Variants in MBTD1 observed in about 807,000 individuals in gnomAD.
MBTD1 encodes mbt domain containing 1, also known as MBT domain-containing protein 1.
A neutral mutation model predicts 87.8 loss-of-function variants in MBTD1; 24 were observed. The ratio of observed to expected loss-of-function variants is 0.27; its 90% CI spans 0.20 to 0.38. MBTD1 has a LOEUF of 0.38. Ranked by LOEUF, MBTD1 falls within the 10% of genes least tolerant of loss-of-function variation. The pLI, the probability that MBTD1 is intolerant of heterozygous loss-of-function variation, is 1.00. For missense variants in MBTD1, 436 were observed against 760.2 expected (o/e 0.57, Z 5.02); for synonymous variants, 237 against 248.6 (o/e 0.95, Z 0.44).
chr17:51,249,303 C>T (rs1355473161), intron 2 of MBTD1, among the ~76,000 whole-genome samples: 2 of 152,100 alleles, frequency 1.3e-5, no homozygotes, highest in Non-Finnish European at 2.9e-5. Context: ...TGAAGATTCA[C>T]ATTATATTAT....
At chr17:51,211,858 G>A (rs2052241815) in intron 6 of MBTD1, among the ~76,000 whole-genome samples, 1 of 151,734 alleles carries the variant, frequency 6.6e-6, no homozygotes, top group Admixed American at 6.6e-5. Flanking sequence ...TAGATAATGA[G>A]TTTTACTGTA....
At chr17:51,232,091 T>A (rs1003308650) in intron 2 of MBTD1, among the ~76,000 whole-genome samples, 9 of 151,852 alleles carry the variant, frequency 5.9e-5, no homozygotes, top group African/African-American at 2.2e-4. Context: ...GCATTTCAGG[T>A]CCACGCTCTC....
chr17:51,204,904 G>T (rs76930540), intron 7 of MBTD1, among the ~76,000 whole-genome samples: 1 of 152,096 alleles, frequency 6.6e-6, no homozygotes, highest in Non-Finnish European at 1.5e-5. Context: ...TTTTTCTGTC[G>T]TATGTATTTG....
At chr17:51,216,820 G>C (rs2052597330) in intron 6 of MBTD1, among the ~76,000 whole-genome samples, 1 of 152,136 alleles carries the variant, frequency 6.6e-6, no homozygotes, top group Admixed American at 6.5e-5. Context: ...CTGACCTCAA[G>C]TGATCCTCCT....
At chr17:51,203,370 T>C (rs1413599211) in intron 8 of MBTD1, 142 bp from the exon 9 acceptor site, 2 of 548,028 alleles carry the variant, frequency 3.6e-6, no homozygotes, top group Non-Finnish European at 6.3e-6. Flanking sequence ...AGCAAGTATA[T>C]GCCTTGCCAG....
At chr17:51,259,796 C>CA in intron 1 of MBTD1, 39 bp downstream of exon 1, 1 of 1,232,692 alleles carries the variant, frequency 8.1e-7, no homozygotes, top group South Asian at 4.1e-5. Context: ...GCGTCCCCCC[C>CA]ACCTGGCACA....
chr17:51,191,508 T>C (rs2050811294), intron 16 of MBTD1: 1 of 152,134 alleles, frequency 6.6e-6, no homozygotes, highest in Non-Finnish European at 1.5e-5. Context: ...CCAGTATCAC[T>C]CTAGAAAGTT....
chr17:51,225,003 C>T lies in MBTD1; in HGVS notation c.154+5G>A, dbSNP rs2053130078. On this transcript the variant is annotated splice_donor_5th_base_variant and intron_variant, in intron 3 of 16. Transcript: ENST00000586178. ...GTAGAACAGGTGAAGGTTATAAATA[C>T]TCACCCATGCCAGATTTACCATCTG... 1 of 1,537,670 alleles carries T rather than the reference C, an allele frequency of 6.5e-7. No individual in the cohort carries two copies. The highest frequency in any genetic ancestry group is 8.8e-7 in the Non-Finnish European group (1 of 1,138,510).
At chr17:51,260,806 G>T, upstream of MBTD1, 1 of 1,585,894 alleles carries the variant, frequency 6.3e-7, no homozygotes. Flanking sequence ...GGCTCCGGCA[G>T]CGGAACCGCC....
chr17:51,181,939 G>A (rs990148621), intron 16 of MBTD1, among the ~76,000 whole-genome samples: 2 of 151,260 alleles, frequency 1.3e-5, no homozygotes, highest in African/African-American at 2.4e-5. Context: ...TCAGGTTACC[G>A]TCTAACCAAA....
rs756661809 is a variant in MBTD1 at position 51,219,063 on chromosome 17, A to G, written c.289-19T>C. ...GCTTACCCTAAAACAAGAAAAGTTA[A>G]GTAAATAGGATTCTTTTTCATCCCC... On this transcript the variant is annotated intron_variant, in intron 4 of 16. Transcript: ENST00000586178. The G allele has an allele frequency of 2.3e-6, 3 of 1,301,956 alleles. No homozygotes were observed. In the South Asian group the frequency reaches 3.8e-5, roughly 16 times the overall value. The allele number at this position is 1,301,956 out of a possible 1,614,324, so 80.7% of individuals were successfully genotyped here.
intron 2 of MBTD1, among the ~76,000 whole-genome samples, chr17:51,231,197 A>T (rs2053532715): frequency 6.6e-6 from 1 of 152,106 alleles, no homozygotes; most frequent in South Asian, 2.1e-4. Flanking sequence ...TGGCCTCCCA[A>T]AGTGCTAGGA....
chr17:51,198,800 G>A (rs1021691862), intron 12 of MBTD1, among the ~76,000 whole-genome samples: 2 of 151,990 alleles, frequency 1.3e-5, no homozygotes, highest in East Asian at 1.9e-4. Context: ...GGGAATCCAC[G>A]TGATTTTTGT....
Position 51,179,498 on chromosome 17 carries a change from A to ATATATTTATATT in MBTD1, c.*1077_*1078insAATATAAATATA, listed in dbSNP as rs2050214260. On this transcript the variant is annotated 3_prime_UTR_variant, in exon 17 of 17. Transcript: ENST00000586178. Reference sequence around the variant, plus strand: ...TAAAGACAATTTTATATATATATATATATATATATATATATATATATATAT... The same window carrying ATATATTTATATT: ...TAAAGACAATTTTATATATATATATATATATTTATATTTATATATATATATATATATATATAT... 1 of 58,436 alleles carries ATATATTTATATT rather than the reference A, an allele frequency of 1.7e-5. No homozygotes were observed. Among genetic ancestry groups the ATATATTTATATT allele is most frequent in the Admixed American group, 1.8e-4 (1 of 5,424 alleles). 3.6% of individuals were successfully genotyped at this position (58,436 alleles called of 1,614,324 possible).
rs1428014408 is a variant in MBTD1 at position 51,207,010 on chromosome 17, C to G, written c.487-5G>C. The G allele has an allele frequency of 6.6e-7, 1 of 1,515,484 alleles. No individual in the cohort carries two copies. Among genetic ancestry groups the G allele is most frequent in the African/African-American group, 1.4e-5 (1 of 72,746 alleles). The allele number at this position is 1,515,484 out of a possible 1,614,324, so 93.9% of individuals were successfully genotyped here. A position where few individuals can be genotyped will look rare whatever the true frequency, so the allele number is the denominator to read the frequency against. ...CCAGCAGGTCCCCATAGGTGCCTGT[C>G]ACATAAAAATCATTAAATTATTGTC... On this transcript the variant is annotated splice_region_variant and splice_polypyrimidine_tract_variant and intron_variant, in intron 6 of 16. Transcript: ENST00000586178.
At position 51,248,735 on chromosome 17, in the gene MBTD1, T is replaced by C. The variant is rs968561983; in HGVS notation, c.-49+10408A>G. On this transcript the variant is annotated intron_variant, in intron 2 of 16. Transcript: ENST00000586178. ...TTGCTGAGTAATACTCGTCAATGTA[T>C]CAGCTTACCCTTTCTTCATCCAGAT... 2.6e-5 allele frequency among the ~76,000 whole-genome samples: 4 copies of C among 152,352 alleles called. No individual in the cohort carries two copies. The East Asian group carries it at 7.7e-4, about 29-fold the overall frequency.
chr17:51,212,234 T>A (rs1268747687), intron 6 of MBTD1, among the ~76,000 whole-genome samples: 1 of 151,936 alleles, frequency 6.6e-6, no homozygotes, highest in African/African-American at 2.4e-5. Flanking sequence ...TGTGTAGGCC[T>A]GTAATCCCAG....
intron 2 of MBTD1, among the ~76,000 whole-genome samples, chr17:51,241,503 G>T (rs1414802646): frequency 1.3e-5 from 2 of 152,088 alleles, no homozygotes; most frequent in Non-Finnish European, 2.9e-5. Flanking sequence ...CATTCTCTAA[G>T]AAACAGCTCT....
intron 16 of MBTD1, among the ~76,000 whole-genome samples, chr17:51,182,529 C>T (rs1305337922): frequency 6.6e-6 from 1 of 152,148 alleles, no homozygotes; most frequent in East Asian, 1.9e-4. Flanking sequence ...AACATAAGCG[C>T]AGCATCCTTA....
Sources: gnomAD v4.1 joint callset for allele counts (sites outside exome capture counted in the v4.1 genomes callset) on GRCh38, gnomAD v4.1.1 for gene constraint, MANE v1.5 for transcripts, NCBI Gene and HGNC (gene_info 2026-07-23, HGNC 2026-07-21) for gene names.